Variants in EPB41L4A observed in about 807,000 individuals in gnomAD.
The protein encoded by EPB41L4A is band 4.1-like protein 4A.
EPB41L4A carries 100 observed loss-of-function variants against 108.6 expected under a neutral mutation model. The ratio of observed to expected loss-of-function variants is 0.92; its 90% CI spans 0.78 to 1.09. EPB41L4A has a LOEUF of 1.09. Among genes scored for constraint, EPB41L4A ranks in the 50% least tolerant of loss-of-function variants. The probability of loss-of-function intolerance (pLI) is 0.00; values close to 1 mark genes in which losing one functional copy is unlikely to be tolerated. For synonymous variants in EPB41L4A, 319 were observed against 289.0 expected, an observed-to-expected ratio of 1.10 and a Z score of -1.05; for missense variants, 1,030 against 842.7, an observed-to-expected ratio of 1.22 and a Z score of -2.75.
intron 12 of EPB41L4A, among the ~76,000 whole-genome samples, chr5:112,214,785 A>G (rs1747496292): frequency 6.6e-6 from 1 of 152,136 alleles, no homozygotes; most frequent in African/African-American, 2.4e-5. Context: ...AAACAAAAGA[A>G]AAAAAACACA....
intron 1 of EPB41L4A, among the ~76,000 whole-genome samples, chr5:112,399,967 G>A (rs1761628906): frequency 2.0e-5 from 3 of 152,192 alleles, no homozygotes; most frequent in Non-Finnish European, 2.9e-5. Context: ...TTATGTGTTA[G>A]GCCGTTCTTG....
intron 1 of EPB41L4A, among the ~76,000 whole-genome samples, chr5:112,395,981 G>C (rs1249661011): frequency 6.6e-6 from 1 of 152,100 alleles, no homozygotes; most frequent in Admixed American, 6.6e-5. Flanking sequence ...CCATCATTCT[G>C]AGCAAAATGT....
At chr5:112,154,593 G>A (rs553123570) in intron 12 of EPB41L4A, among the ~76,000 whole-genome samples, 2 of 152,050 alleles carry the variant, frequency 1.3e-5, no homozygotes, top group African/African-American at 2.4e-5. Context: ...TTAATAATGA[G>A]GCACAGCATG....
chr5:112,241,343 G>A (rs1484096341), intron 9 of EPB41L4A, among the ~76,000 whole-genome samples: 2 of 152,282 alleles, frequency 1.3e-5, no homozygotes, highest in Non-Finnish European at 2.9e-5. Context: ...CCTGCATCAA[G>A]TCACTGAGTG....
chr5:112,325,352 A>C (rs906772110), intron 1 of EPB41L4A, among the ~76,000 whole-genome samples: 4 of 152,060 alleles, frequency 2.6e-5, no homozygotes, highest in African/African-American at 7.2e-5. Flanking sequence ...GAGGCAGGAA[A>C]ATGGCATGAA....
intron 12 of EPB41L4A, among the ~76,000 whole-genome samples, chr5:112,148,280 T>C (rs1330351575): frequency 6.7e-6 from 1 of 150,252 alleles, no homozygotes; most frequent in Non-Finnish European, 1.5e-5. Context: ...TTAGAATTCA[T>C]GTTTCTCTTT....
intron 1 of EPB41L4A, among the ~76,000 whole-genome samples, chr5:112,347,775 A>G (rs531927275): frequency 6.6e-6 from 1 of 152,338 alleles, no homozygotes; most frequent in Admixed American, 6.5e-5. Context: ...CAGCCACAGT[A>G]AAGGGGCATC....
intron 1 of EPB41L4A, among the ~76,000 whole-genome samples, chr5:112,418,311 G>A (rs915423301): frequency 9.2e-5 from 14 of 152,300 alleles, no homozygotes; most frequent in African/African-American, 2.2e-4. Flanking sequence ...GGGCTCTCTA[G>A]GTTAATGTAG....
At chr5:112,408,154 A>G (rs1022838722) in intron 1 of EPB41L4A, among the ~76,000 whole-genome samples, 3 of 152,178 alleles carry the variant, frequency 2.0e-5, no homozygotes, top group Admixed American at 1.3e-4. Context: ...AGACAATTCA[A>G]TGGAAAAAAA....
At position 112,410,170 on chromosome 5, in the gene EPB41L4A, G is replaced by C. The variant is rs937518256; in HGVS notation, c.99+8771C>G. Among the ~76,000 whole-genome samples, 4 of 152,126 alleles carry C rather than the reference G, an allele frequency of 2.6e-5. No individual in the cohort carries two copies. The East Asian group carries it at 5.8e-4, about 22-fold the overall frequency. On this transcript the variant is annotated intron_variant, in intron 1 of 22. Coordinates refer to ENST00000261486, the MANE Select transcript of EPB41L4A (RefSeq NM_022140.5). ...GCTTTCTACACACAGAAAAAGGTGA[G>C]AGGGAATGTGGAAAATTCAGAGACT...
intron 1 of EPB41L4A, among the ~76,000 whole-genome samples, chr5:112,418,728 C>T (rs1192944899): frequency 6.6e-6 from 1 of 152,060 alleles, no homozygotes; most frequent in Non-Finnish European, 1.5e-5. Flanking sequence ...AACTTAGAAA[C>T]GTCAAACTCA....
At chr5:112,185,981 G>T (rs1580389313) in intron 17 of EPB41L4A, among the ~76,000 whole-genome samples, 1 of 152,098 alleles carries the variant, frequency 6.6e-6, no homozygotes, top group Non-Finnish European at 1.5e-5. Context: ...AGGGGTCAGG[G>T]TTAGGAAGAG....
intron 1 of EPB41L4A, among the ~76,000 whole-genome samples, chr5:112,400,480 CT>C (rs1761671896): frequency 1.3e-5 from 2 of 152,106 alleles, no homozygotes; most frequent in South Asian, 4.1e-4. Flanking sequence ...CCTCAGAGAG[CT>C]TTTACTGATG....
intron 22 of EPB41L4A, among the ~76,000 whole-genome samples, chr5:112,166,358 A>G (rs1760245433): frequency 6.6e-6 from 1 of 152,218 alleles, no homozygotes. Context: ...GGAATAAAAC[A>G]GTAAGATCCA....
chr5:112,190,626 C>T (rs1014803095), intron 17 of EPB41L4A, among the ~76,000 whole-genome samples: 1 of 152,192 alleles, frequency 6.6e-6, no homozygotes, highest in Non-Finnish European at 1.5e-5. Context: ...CTCTGTACTT[C>T]AAAGTGCTCT....
chr5:112,319,280 T>C (rs1439111766), intron 1 of EPB41L4A, among the ~76,000 whole-genome samples: 7 of 138,294 alleles, frequency 5.1e-5, no homozygotes, highest in Admixed American at 2.9e-4. Context: ...AAAAAAATGA[T>C]AGTGTCAGAT....
At chr5:112,333,060 A>T (rs891693129) in intron 1 of EPB41L4A, among the ~76,000 whole-genome samples, 1 of 152,232 alleles carries the variant, frequency 6.6e-6, no homozygotes, top group East Asian at 1.9e-4. Context: ...CCTCTAAAAA[A>T]TGTGAAGATA....
intron 1 of EPB41L4A, among the ~76,000 whole-genome samples, chr5:112,387,766 G>C (rs1334607545): frequency 1.3e-5 from 2 of 152,152 alleles, no homozygotes; most frequent in Non-Finnish European, 1.5e-5. Flanking sequence ...TACATTATCT[G>C]TAAAAGAGAT....
chr5:112,247,612 T>G (rs1750341940), intron 9 of EPB41L4A, among the ~76,000 whole-genome samples: 1 of 152,188 alleles, frequency 6.6e-6, no homozygotes, highest in South Asian at 2.1e-4. Flanking sequence ...ATATCAAAAC[T>G]TATTTAATTA....
Sources: gnomAD v4.1 joint callset for allele counts (sites outside exome capture counted in the v4.1 genomes callset) on GRCh38, gnomAD v4.1.1 for gene constraint, MANE v1.5 for transcripts, NCBI Gene and HGNC (gene_info 2026-07-23, HGNC 2026-07-21) for gene names.